Variants in PRKAR2A observed in about 807,000 individuals in gnomAD.
PRKAR2A encodes the protein cAMP-dependent protein kinase type II-alpha regulatory subunit.
In PRKAR2A, 29 loss-of-function variants were observed where a neutral mutation model predicts 51.9. The ratio of observed to expected loss-of-function variants is 0.56; its 90% CI spans 0.42 to 0.76. PRKAR2A has a LOEUF of 0.76. Among genes scored for constraint, PRKAR2A ranks in the 30% least tolerant of loss-of-function variants. PRKAR2A has a pLI of 0.00. For missense variants in PRKAR2A, 445 were observed against 512.1 expected (o/e 0.87, Z 1.26); for synonymous variants, 178 against 186.2 (o/e 0.96, Z 0.36).
In PRKAR2A at chr3:48,748,085, G is replaced by T. The variant is rs2081587016; in HGVS notation, c.*3500C>A. On this transcript the variant is annotated 3_prime_UTR_variant, in exon 11 of 11. Transcript: ENST00000265563. ...GGGATCCTGTATGCAGTGAGGGTCT[G>T]AACTGATGATCCATATGTCAATCAG... 1 of 151,392 alleles carries T rather than the reference G, an allele frequency of 6.6e-6. No individual in the cohort carries two copies. Among genetic ancestry groups the T allele is most frequent in the Admixed American group, 6.6e-5 (1 of 15,202 alleles). 9.4% of individuals were successfully genotyped at this position (151,392 alleles called of 1,614,324 possible). A position where few individuals can be genotyped will look rare whatever the true frequency, so the allele number is the denominator to read the frequency against.
At chr3:48,845,636 C>G (rs945492882) in intron 1 of PRKAR2A, among the ~76,000 whole-genome samples, 2 of 152,140 alleles carry the variant, frequency 1.3e-5, no homozygotes, top group African/African-American at 4.8e-5. Flanking sequence ...AACACTCTTG[C>G]GTAGATCAGA....
At position 48,847,193 on chromosome 3, in the gene PRKAR2A, G is replaced by A; in HGVS notation, c.262+142C>T. 1.8e-6 allele frequency: 2 copies of A among 1,094,658 alleles called. No homozygotes were observed. Among genetic ancestry groups the A allele is most frequent in the South Asian group, 1.7e-5 (1 of 59,692 alleles). The allele number at this position is 1,094,658 out of a possible 1,614,324, so 67.8% of individuals were successfully genotyped here. A position where few individuals can be genotyped will look rare whatever the true frequency, so the allele number is the denominator to read the frequency against. ...CGCGGGCTCACGCCGGTGTCTCAGG[G>A]AAACGCTAGAAACGCGGCTACAGAG... On this transcript the variant is annotated intron_variant, in intron 1 of 10. Transcript: ENST00000265563. The surrounding 1 kb of genome is among the most constrained non-coding windows in gnomAD (Gnocchi z 4.4).
intron 9 of PRKAR2A, among the ~76,000 whole-genome samples, chr3:48,754,710 T>C (rs1575834608): frequency 1.3e-5 from 2 of 151,332 alleles, no homozygotes; most frequent in African/African-American, 4.9e-5. Flanking sequence ...GGGACGGAGG[T>C]TGCAGTAAGC....
chr3:48,832,228 A>G (rs1203505988), intron 1 of PRKAR2A, among the ~76,000 whole-genome samples: 1 of 146,662 alleles, frequency 6.8e-6, no homozygotes, highest in African/African-American at 2.5e-5. Context: ...CGGGAGGTGG[A>G]GGTTGCAGCG....
chr3:48,759,183 A>G (rs996302640), intron 8 of PRKAR2A, among the ~76,000 whole-genome samples: 1 of 152,152 alleles, frequency 6.6e-6, no homozygotes, highest in African/African-American at 2.4e-5. Flanking sequence ...TGCATTTCCA[A>G]TCTCATGAAA....
rs144712186 is a variant in PRKAR2A, at chr3:48,766,775, G to C, written c.697-1426C>G. Among the ~76,000 whole-genome samples, 3 of 152,258 alleles carry C rather than the reference G, an allele frequency of 2.0e-5. No individual in the cohort carries two copies. The East Asian group carries it at 5.8e-4, about 29-fold the overall frequency. ...GAGGTAGGATTTAAGTTAATGGAGA[G>C]ACACGGGAGGAATACGCAAGATGGA... On this transcript the variant is annotated intron_variant, in intron 6 of 10. Transcript: ENST00000265563.
chr3:48,778,998 T>C (rs1378089243), intron 5 of PRKAR2A, among the ~76,000 whole-genome samples: 1 of 152,068 alleles, frequency 6.6e-6, no homozygotes, highest in East Asian at 1.9e-4. Flanking sequence ...GCTAATTTTT[T>C]GTATTTTTAG....
chr3:48,843,359 G>T (rs1443067758), intron 1 of PRKAR2A, among the ~76,000 whole-genome samples: 1 of 151,980 alleles, frequency 6.6e-6, no homozygotes, highest in Non-Finnish European at 1.5e-5. Flanking sequence ...CAAAAAACCA[G>T]CTCCTGGATT....
intron 1 of PRKAR2A, among the ~76,000 whole-genome samples, chr3:48,814,990 C>A (rs2082849805): frequency 6.6e-6 from 1 of 152,144 alleles, no homozygotes. Flanking sequence ...CGGCTCAATG[C>A]AGCCTCCACC....
intron 3 of PRKAR2A, among the ~76,000 whole-genome samples, chr3:48,792,123 T>C (rs1270806969): frequency 2.0e-5 from 3 of 151,902 alleles, no homozygotes; most frequent in East Asian, 3.9e-4. Flanking sequence ...GATTTAAGGG[T>C]AACATAATAG....
intron 1 of PRKAR2A, among the ~76,000 whole-genome samples, chr3:48,810,963 G>C (rs1474067156): frequency 2.6e-5 from 4 of 151,898 alleles, no homozygotes; most frequent in Non-Finnish European, 4.4e-5. Context: ...GATCATTTGA[G>C]CTCAGGAGTT....
chr3:48,818,204 A>G (rs1376176982), intron 1 of PRKAR2A, among the ~76,000 whole-genome samples: 2 of 152,180 alleles, frequency 1.3e-5, no homozygotes, highest in African/African-American at 4.8e-5. Context: ...GGCACTTCCA[A>G]CCATACCCAA....
At chr3:48,820,554 T>C (rs902760145) in intron 1 of PRKAR2A, among the ~76,000 whole-genome samples, 4 of 152,206 alleles carry the variant, frequency 2.6e-5, no homozygotes, top group African/African-American at 7.2e-5. Context: ...GAAGTAGTTA[T>C]AAGCATAGAT....
intron 5 of PRKAR2A, among the ~76,000 whole-genome samples, chr3:48,776,686 C>T (rs2107268625): frequency 6.6e-6 from 1 of 152,034 alleles, no homozygotes; most frequent in East Asian, 1.9e-4. Context: ...ACTAAAAATA[C>T]AGAAATTAGC....
At chr3:48,822,878 G>T (rs1038208619) in intron 1 of PRKAR2A, among the ~76,000 whole-genome samples, 6 of 152,148 alleles carry the variant, frequency 3.9e-5, no homozygotes, top group Middle Eastern at 3.4e-3. Flanking sequence ...GGGAAGGGAA[G>T]AATTGAGTGG....
At chr3:48,829,671 CACAT>C (rs1393913231) in intron 1 of PRKAR2A, among the ~76,000 whole-genome samples, 19 of 141,202 alleles carry the variant, frequency 1.3e-4, no homozygotes, top group Non-Finnish European at 2.6e-4. Flanking sequence ...TGTATACACA[CACAT>C]AAATGTGTGT....
intron 2 of PRKAR2A, among the ~76,000 whole-genome samples, chr3:48,796,159 T>C (rs2082488145): frequency 6.6e-6 from 1 of 152,220 alleles, no homozygotes; most frequent in Non-Finnish European, 1.5e-5. Context: ...AAAAGTTTTC[T>C]TCTAATAAAT....
At chr3:48,780,259 G>C (rs1465025215) in intron 5 of PRKAR2A, among the ~76,000 whole-genome samples, 1 of 152,014 alleles carries the variant, frequency 6.6e-6, no homozygotes, top group African/African-American at 2.4e-5. Flanking sequence ...TTTTCTCTGA[G>C]AAGATATTAT....
chr3:48,781,046 C>CTGCA (rs2082187267), intron 5 of PRKAR2A, among the ~76,000 whole-genome samples: 1 of 152,004 alleles, frequency 6.6e-6, no homozygotes, highest in South Asian at 2.1e-4. Flanking sequence ...TCTCAGCTCA[C>CTGCA]TGCAGCCTCT....
Sources: gnomAD v4.1 joint callset for allele counts (sites outside exome capture counted in the v4.1 genomes callset) on GRCh38, gnomAD v4.1.1 for gene constraint, Gnocchi (gnomAD v3.1) non-coding constraint, MANE v1.5 for transcripts, NCBI Gene and HGNC (gene_info 2026-07-23, HGNC 2026-07-21) for gene names.